Variants in TRANK1 observed in about 807,000 individuals in gnomAD.
The protein encoded by TRANK1 is tetratricopeptide repeat and ankyrin repeat containing 1.
A neutral mutation model predicts 266.0 loss-of-function variants in TRANK1; 198 were observed. That is an observed-to-expected ratio of 0.74 (90% CI 0.66 to 0.84). TRANK1 has a LOEUF of 0.84. Ranked by LOEUF, TRANK1 falls within the 40% of genes least tolerant of loss-of-function variation. The pLI, the probability that TRANK1 is intolerant of heterozygous loss-of-function variation, is 0.00. For missense variants in TRANK1, 3,326 were observed against 3,634.6 expected, an observed-to-expected ratio of 0.92 and a Z score of 2.18; for synonymous variants, 1,396 against 1,384.1, an observed-to-expected ratio of 1.01 and a Z score of -0.19.
At chr3:36,933,878 C>T (rs2080391286) in intron 1 of TRANK1, among the ~76,000 whole-genome samples, 1 of 152,238 alleles carries the variant, frequency 6.6e-6, no homozygotes, top group Admixed American at 6.5e-5. Context: ...CCTTGCCCCA[C>T]TTCCCAAGCT....
chr3:36,905,872 G>T (rs920437870), intron 2 of TRANK1, among the ~76,000 whole-genome samples: 3 of 152,128 alleles, frequency 2.0e-5, no homozygotes, highest in Non-Finnish European at 2.9e-5. Context: ...TAAATCACAT[G>T]CACCTGAGTC....
chr3:36,922,821 C>A lies in TRANK1; in HGVS notation c.24-14367G>T, dbSNP rs115453358. 9.1e-3 allele frequency among the ~76,000 whole-genome samples: 1,384 copies of A among 152,064 alleles called. 24 individuals carry two copies. Among genetic ancestry groups the A allele is most frequent in the African/African-American group, 0.032 (1,323 of 41,470 alleles). On this transcript the variant is annotated intron_variant, in intron 1 of 23. Transcript: ENST00000645898. ...TTAAAGGTTTAATTCCTCAATTCCT[C>A]AGTCACTCTAGCCACATTTCAAGTA...
chr3:36,838,566 C>T, intron 19 of TRANK1, 47 bp downstream of exon 19: 1 of 1,613,906 alleles, frequency 6.2e-7, no homozygotes, highest in Non-Finnish European at 8.5e-7. Context: ...AATATTTAAC[C>T]TGCTACTCCC....
chr3:36,835,625 T>G (rs1289001091), intron 20 of TRANK1, among the ~76,000 whole-genome samples: 1 of 152,136 alleles, frequency 6.6e-6, no homozygotes, highest in African/African-American at 2.4e-5. Context: ...ACATCAAAAC[T>G]GCTCAACAAA....
At chr3:36,936,995 G>A (rs572511128) in intron 1 of TRANK1, among the ~76,000 whole-genome samples, 56 of 152,236 alleles carry the variant, frequency 3.7e-4, no homozygotes, top group Non-Finnish European at 6.9e-4. Flanking sequence ...AGCTACTCTG[G>A]AGGCTGAGGG....
At chr3:36,894,513 G>C (rs1302697196) in intron 5 of TRANK1, among the ~76,000 whole-genome samples, 3 of 152,158 alleles carry the variant, frequency 2.0e-5, no homozygotes, top group African/African-American at 7.2e-5. Context: ...TTCCCCAAGA[G>C]TTCAGTCTGC....
At position 36,924,089 on chromosome 3, in the gene TRANK1, G is replaced by C. The variant is rs780633317; in HGVS notation, c.24-15635C>G. Reference sequence around the variant, plus strand: ...TCCTGTCTTGGACATTGCTAAATCAGGTGACCTCGGACAGCCTCAAAATGG... The same window carrying C: ...TCCTGTCTTGGACATTGCTAAATCACGTGACCTCGGACAGCCTCAAAATGG... On this transcript the variant is annotated intron_variant, in intron 1 of 23. Transcript: ENST00000645898. Among the ~76,000 whole-genome samples the C allele has an allele frequency of 3.0e-4, 45 of 152,158 alleles. 2 individuals carry two copies. The highest frequency in any genetic ancestry group is 4.1e-4 in the South Asian group (2 of 4,830).
At chr3:36,838,851 A>T in intron 18 of TRANK1, 135 bp from the exon 19 acceptor site, 1 of 814,618 alleles carries the variant, frequency 1.2e-6, no homozygotes, top group Non-Finnish European at 1.9e-6. Flanking sequence ...AAGGAGGAGC[A>T]GGAAGGTGCA....
intron 1 of TRANK1, among the ~76,000 whole-genome samples, chr3:36,913,455 T>TCTCTC (rs139652709): frequency 0.011 from 1,672 of 151,290 alleles, 15 homozygotes; most frequent in African/African-American, 0.024. Context: ...TTGCTTTGTT[T>TCTCTC]CTCTCCTCTC....
At chr3:36,879,647 T>TATATATAAATATATATAAATATAAAA (rs1559448176) in intron 8 of TRANK1, among the ~76,000 whole-genome samples, 1 of 70,856 alleles carries the variant, frequency 1.4e-5, no homozygotes, top group Non-Finnish European at 2.5e-5. Context: ...AATATACAAA[T>TATATATAAATATATATAAATATAAAA]ATATATAAAT....
At chr3:36,926,513 G>A (rs531544013) in intron 1 of TRANK1, among the ~76,000 whole-genome samples, 10 of 152,250 alleles carry the variant, frequency 6.6e-5, no homozygotes, top group South Asian at 2.1e-4. Context: ...ATCATCCACC[G>A]TGACAAAGCA....
chr3:36,852,154 C>T lies in TRANK1; in HGVS notation c.4741G>A (p.Ala1581Thr). The stretch of plus-strand genomic sequence containing the variant: ...AATCCCAAGCAGCTCACCTGGTGGG[C>T]TCCAAATTCAATGGGCTGAGTTTTC... ...KRKTQPIEFG[A>T]HQVILVANET... is the part of the protein sequence containing the mutation. Residue 1581 changes from alanine (A) to threonine (T), a missense_variant, in exon 14 of 24, where the codon GCC becomes ACC. Coordinates refer to ENST00000645898, the MANE Select transcript of TRANK1 (RefSeq NM_001329998.2). The T allele has an allele frequency of 6.3e-7, 1 of 1,586,198 alleles. No homozygotes were observed. The highest frequency in any genetic ancestry group is 8.5e-7 in the Non-Finnish European group (1 of 1,172,744).
chr3:36,866,785 A>G (rs556271321), intron 9 of TRANK1, among the ~76,000 whole-genome samples: 6 of 152,170 alleles, frequency 3.9e-5, no homozygotes, highest in East Asian at 3.9e-4. Context: ...CACACACACC[A>G]ATGTCAGGGG....
intron 8 of TRANK1, 73 bp from the exon 9 acceptor site, chr3:36,874,369 T>G: frequency 6.8e-7 from 1 of 1,471,850 alleles, no homozygotes; most frequent in Middle Eastern, 2.3e-4. Flanking sequence ...AGTGCTCTTC[T>G]TCTCAGTCTC....
rs372685070 is a variant in TRANK1 at position 36,832,576 on chromosome 3, G to A, written c.7007C>T (p.Ala2336Val). Residue 2336 changes from alanine to valine, a missense_variant, in exon 22 of 24, where the codon GCT (alanine) becomes GTT (valine). Coordinates refer to ENST00000645898, the MANE Select transcript of TRANK1 (RefSeq NM_001329998.2). The stretch of plus-strand genomic sequence containing the variant: ...CGGGTAGTTGGAAGAGAGAAGGAAA[G>A]CTTGCATGGCACTCAGCCACAGGTC... Reference protein sequence around the residue: ...STDLWLSAMQAFLLSSNYPEE... With the variant: ...STDLWLSAMQVFLLSSNYPEE... The A allele has an allele frequency of 1.2e-6, 2 of 1,613,896 alleles. No homozygotes were observed. Among genetic ancestry groups the A allele is most frequent in the African/African-American group, 2.7e-5 (2 of 74,934 alleles).
At position 36,832,473 on chromosome 3, in the gene TRANK1, A is replaced by G. The variant is rs374714298; in HGVS notation, c.7110T>C (p.Asp2370=). 6.2e-6 allele frequency: 10 copies of G among 1,613,320 alleles called. No homozygotes were observed. The African/African-American group carries it at 9.4e-5, about 15-fold the overall frequency. Residue 2370 remains aspartate (D), a synonymous_variant, in exon 22 of 24, where the codon GAT becomes GAC. Coordinates refer to ENST00000645898, the MANE Select transcript of TRANK1 (RefSeq NM_001329998.2). ...TGCTGCCTCTCCCCCTGCCCCTTTC[A>G]TCCTTTTCAGACTCTAGAGCTTTGA... The part of the protein sequence containing the change: ...RELKALESEK[D]ERGRGRGSRI...
At chr3:36,927,656 C>T (rs1034542879) in intron 1 of TRANK1, among the ~76,000 whole-genome samples, 7 of 152,212 alleles carry the variant, frequency 4.6e-5, no homozygotes, top group African/African-American at 7.2e-5. Flanking sequence ...TTTCTCTGCA[C>T]GCCACTGGCC....
At chr3:36,922,578 CT>C (rs529616277) in intron 1 of TRANK1, among the ~76,000 whole-genome samples, 193 of 152,176 alleles carry the variant, frequency 1.3e-3, no homozygotes, top group Non-Finnish European at 2.5e-3. Flanking sequence ...GCACTGTAGC[CT>C]GGGTGAAAAA....
chr3:36,863,875 T>C (rs753159221), intron 10 of TRANK1, among the ~76,000 whole-genome samples: 9 of 152,212 alleles, frequency 5.9e-5, no homozygotes, highest in Non-Finnish European at 8.8e-5. Flanking sequence ...ATATTATATT[T>C]TACCTACTTA....
Sources: gnomAD v4.1 joint callset for allele counts (sites outside exome capture counted in the v4.1 genomes callset) on GRCh38, gnomAD v4.1.1 for gene constraint, MANE v1.5 for transcripts, NCBI Gene and HGNC (gene_info 2026-07-23, HGNC 2026-07-21) for gene names.